The following ASTN2 variants were observed in gnomAD, a reference collection of about 807,000 sequenced individuals.
ASTN2 encodes the protein astrotactin-2.
ASTN2 carries 54 observed loss-of-function variants against 139.8 expected under a neutral mutation model. The observed-to-expected ratio is 0.39, with a 90% confidence interval of 0.31 to 0.48. The LOEUF is 0.48. Ranked by LOEUF, ASTN2 falls within the 20% of genes least tolerant of loss-of-function variation. ASTN2 has a pLI of 0.95. For missense variants in ASTN2, 1,565 were observed against 1,725.1 expected (o/e 0.91, Z 1.64); for synonymous variants, 756 against 719.5 (o/e 1.05, Z -0.81).
At chr9:116,999,536 CTTTCTCTCTTTCTTTTTTTT>C (rs1564377477) in intron 7 of ASTN2, among the ~76,000 whole-genome samples, 13 of 119,552 alleles carry the variant, frequency 1.1e-4, no homozygotes, top group African/African-American at 4.0e-4. Flanking sequence ...CTCTTTCTTT[CTTTCTCTCTTTCTTTTTTTT>C]TTTTTTTTTT....
chr9:117,228,297 G>T (rs1188011845), intron 2 of ASTN2, among the ~76,000 whole-genome samples: 2 of 152,094 alleles, frequency 1.3e-5, no homozygotes, highest in Admixed American at 1.3e-4. Context: ...AAACAAAGCT[G>T]CAAATCTGCC....
At chr9:117,397,205 T>C (rs1372375832) in intron 1 of ASTN2, among the ~76,000 whole-genome samples, 1 of 152,126 alleles carries the variant, frequency 6.6e-6, no homozygotes, top group Non-Finnish European at 1.5e-5. Flanking sequence ...CCACAGCGCC[T>C]GGCCCATCCC....
At position 116,697,982 on chromosome 9, in the gene ASTN2, G is replaced by C. The variant is rs1271162658; in HGVS notation, c.2806+27789C>G. ...GCTTGACCCAGCTGACAGACAATCT[G>C]ACAGTGCTAAAGATCATTGATACAG... On this transcript the variant is annotated intron_variant, in intron 16 of 22. Coordinates refer to ENST00000313400, the MANE Select transcript of ASTN2 (RefSeq NM_001365068.1). The C allele has an allele frequency of 2.5e-6, 4 of 1,614,210 alleles. No homozygotes were observed. In the South Asian group the frequency reaches 4.4e-5, roughly 18 times the overall value.
At chr9:117,325,561 A>T (rs996312) in intron 1 of ASTN2, among the ~76,000 whole-genome samples, 74,320 of 151,984 alleles carry the variant, frequency 0.49, 18,333 homozygotes, top group Non-Finnish European at 0.5. Flanking sequence ...GCAGACTCCT[A>T]AATGATGAAG....
chr9:116,823,289 G>C (rs529813748), intron 11 of ASTN2, among the ~76,000 whole-genome samples: 1 of 152,354 alleles, frequency 6.6e-6, no homozygotes, highest in East Asian at 1.9e-4. Flanking sequence ...GACAGAGGCA[G>C]AGCTTCTCAG....
chr9:116,505,202 C>G (rs1016821759), intron 19 of ASTN2, among the ~76,000 whole-genome samples: 1 of 151,424 alleles, frequency 6.6e-6, no homozygotes, highest in African/African-American at 2.4e-5. Context: ...ATCTCGTGTG[C>G]TTTTAGTATC....
chr9:117,023,449 C>G (rs1837953400), intron 6 of ASTN2, among the ~76,000 whole-genome samples: 1 of 152,138 alleles, frequency 6.6e-6, no homozygotes, highest in African/African-American at 2.4e-5. Flanking sequence ...TCTTCCCTGA[C>G]CAGCATATCT....
chr9:117,286,858 G>A (rs901373484), intron 2 of ASTN2, among the ~76,000 whole-genome samples: 6 of 152,112 alleles, frequency 3.9e-5, no homozygotes, highest in African/African-American at 4.8e-5. Flanking sequence ...TTTTAATAAC[G>A]GCTACTGCTT....
At chr9:117,345,602 C>A (rs957558463) in intron 1 of ASTN2, among the ~76,000 whole-genome samples, 1 of 152,100 alleles carries the variant, frequency 6.6e-6, no homozygotes, top group African/African-American at 2.4e-5. Context: ...TGAATTCAAG[C>A]AAATTGAAAC....
rs994169599 is a variant in ASTN2, at chr9:116,651,646, G to A, written c.2954C>T (p.Ser985Phe). 6.2e-7 allele frequency: 1 copy of A among 1,614,164 alleles called. No individual in the cohort carries two copies. ...TGGCCGGCGGCAAAGGTGACAGGTA[G>A]ATGGACAGCGCCCCTTCTCCTCACA... ...IRCEEKGRCP[S>F]TCHLCRRPGK... is the part of the protein sequence containing the mutation. The change falls in exon 17 of 23, where the codon TCT (serine) becomes TTT (phenylalanine). Residue 985 changes from serine to phenylalanine, a missense_variant. This residue lies in a region of ASTN2 where 418 missense variants were observed against 465.8 expected (regional missense o/e 0.90). Transcript: ENST00000313400.
intron 1 of ASTN2, among the ~76,000 whole-genome samples, chr9:117,343,878 A>C (rs1829133399): frequency 1.3e-5 from 2 of 152,166 alleles, no homozygotes; most frequent in Non-Finnish European, 1.5e-5. Context: ...AAAAGAAATA[A>C]AAATATAAAA....
At chr9:117,152,686 C>T (rs1490691227) in intron 3 of ASTN2, among the ~76,000 whole-genome samples, 3 of 152,052 alleles carry the variant, frequency 2.0e-5, no homozygotes, top group Admixed American at 6.6e-5. Context: ...ATTGTTTTTC[C>T]AGCAGCTAGT....
Position 116,699,414 on chromosome 9 carries a change from G to A in ASTN2, c.2806+26357C>T, listed in dbSNP as rs754071735. ...CTTTTCCATTGGCTCTGTAGGCCCT[G>A]ATGGGCAGCTGGGTCGCCAGATTAG... On this transcript the variant is annotated intron_variant, in intron 16 of 22. Coordinates refer to ENST00000313400, the MANE Select transcript of ASTN2 (RefSeq NM_001365068.1). This position sits in a 1 kb window ranked among gnomAD's most constrained non-coding sequence, Gnocchi z 4.2. 6 of 1,614,188 alleles carry A rather than the reference G, an allele frequency of 3.7e-6. No homozygotes were observed. The highest frequency in any genetic ancestry group is 5.1e-6 in the Non-Finnish European group (6 of 1,180,038).
At chr9:116,670,465 G>T (rs1235322154) in intron 16 of ASTN2, among the ~76,000 whole-genome samples, 1 of 152,146 alleles carries the variant, frequency 6.6e-6, no homozygotes, top group East Asian at 1.9e-4. Flanking sequence ...CTTATGTATT[G>T]TATTTTTAAA....
intron 2 of ASTN2, among the ~76,000 whole-genome samples, chr9:117,233,431 G>A (rs994947665): frequency 2.0e-4 from 31 of 152,250 alleles, no homozygotes; most frequent in Middle Eastern, 6.8e-3. Flanking sequence ...TCCCAGGGTG[G>A]TTGGGAGAAT....
At chr9:117,351,805 T>TG (rs147541510) in intron 1 of ASTN2, among the ~76,000 whole-genome samples, 1 of 152,100 alleles carries the variant, frequency 6.6e-6, no homozygotes, top group African/African-American at 2.4e-5. Context: ...TTAATTTGGA[T>TG]GGGGGGTGCT....
At chr9:117,244,423 C>T (rs997864396) in intron 2 of ASTN2, among the ~76,000 whole-genome samples, 2 of 152,062 alleles carry the variant, frequency 1.3e-5, no homozygotes, top group Admixed American at 6.6e-5. Flanking sequence ...TTTTTCTCTC[C>T]CTTCCTGTTG....
chr9:116,934,144 T>C (rs1834999364), intron 10 of ASTN2, among the ~76,000 whole-genome samples: 1 of 152,084 alleles, frequency 6.6e-6, no homozygotes, highest in South Asian at 2.1e-4. Flanking sequence ...TGCTGTTGTA[T>C]ATTTGCCGAA....
rs1260824713 is a variant in ASTN2, at chr9:116,906,253, A to G, written c.1890-42520T>C. Among the ~76,000 whole-genome samples, 5 of 152,200 alleles carry G rather than the reference A, an allele frequency of 3.3e-5. No homozygotes were observed. In the East Asian group the frequency reaches 9.6e-4, roughly 29 times the overall value. ...AGAGTGGATGGTGTGCAAGATAGTC[A>G]CACTTGAGGACCAAATCCTGGGAAA... On this transcript the variant is annotated intron_variant, in intron 10 of 22. Coordinates refer to ENST00000313400, the MANE Select transcript of ASTN2 (RefSeq NM_001365068.1).
Sources: allele counts gnomAD v4.1 joint callset (sites outside exome capture counted in the v4.1 genomes callset), GRCh38; gene constraint gnomAD v4.1.1; regional missense constraint gnomAD v4.1.1; non-coding constraint Gnocchi (gnomAD v3.1); transcripts MANE v1.5; gene names NCBI Gene and HGNC (gene_info 2026-07-23, HGNC 2026-07-21).